Variants in PACSIN2 observed in about 807,000 individuals in gnomAD.
PACSIN2 encodes protein kinase C and casein kinase substrate in neurons protein 2.
A neutral mutation model predicts 63.8 loss-of-function variants in PACSIN2; 25 were observed. The observed-to-expected ratio is 0.39, with a 90% confidence interval of 0.29 to 0.55. The LOEUF is 0.55. PACSIN2 is among the 20% of genes least tolerant of loss of function. PACSIN2 has a pLI of 0.62. For missense variants in PACSIN2, 518 were observed against 646.9 expected (o/e 0.80, Z 2.16); for synonymous variants, 255 against 256.2 (o/e 1.00, Z 0.05).
Position 42,884,558 on chromosome 22 carries a change from T to C in PACSIN2, c.613A>G (p.Lys205Glu). The change falls in exon 6 of 11, where the codon AAA becomes GAA. Residue 205 changes from lysine (K) to glutamate (E), a missense_variant. Physicochemically the swap from Lys to Glu is moderately conservative, Grantham distance 56. Transcript: ENST00000263246. ...TTCAGGGACTTCTCATACTTCTCTT[T>C]GGTCTAAAGGAAAATCCAGGCACAA... ...EKCKQDVLKT[K>E]EKYEKSLKEL... 1 of 1,613,342 alleles carries C rather than the reference T, an allele frequency of 6.2e-7. No homozygotes were observed. Among genetic ancestry groups the C allele is most frequent in the South Asian group, 1.1e-5 (1 of 90,954 alleles).
chr22:42,998,012 T>C (rs1052544236), intron 1 of PACSIN2, among the ~76,000 whole-genome samples: 9 of 152,228 alleles, frequency 5.9e-5, no homozygotes, highest in African/African-American at 2.2e-4. Flanking sequence ...AGGCCAGAGC[T>C]TTCCTGGAAA....
intron 1 of PACSIN2, among the ~76,000 whole-genome samples, chr22:42,955,338 G>A (rs551864941): frequency 3.5e-4 from 53 of 152,282 alleles, no homozygotes; most frequent in South Asian, 6.2e-4. Context: ...CAAATCAACT[G>A]ATCCAGCCAG....
At chr22:43,014,444 A>G (rs1601630615) in intron 1 of PACSIN2, among the ~76,000 whole-genome samples, 1 of 145,332 alleles carries the variant, frequency 6.9e-6, no homozygotes, top group South Asian at 2.3e-4. Context: ...AAATCAGCGC[A>G]CCCGCGTGTG....
At chr22:43,009,504 G>C (rs929362590) in intron 1 of PACSIN2, among the ~76,000 whole-genome samples, 7 of 152,166 alleles carry the variant, frequency 4.6e-5, no homozygotes, top group Non-Finnish European at 1.0e-4. Flanking sequence ...CCCCTTCGTG[G>C]GAAGGGGTCA....
intron 1 of PACSIN2, among the ~76,000 whole-genome samples, chr22:42,997,859 C>A (rs551960675): frequency 1.9e-3 from 294 of 152,192 alleles, no homozygotes; most frequent in Non-Finnish European, 2.9e-3. Flanking sequence ...CCAGCCTGGG[C>A]GACAGGGCAA....
chr22:42,987,885 A>T (rs1922747121), intron 1 of PACSIN2, among the ~76,000 whole-genome samples: 1 of 152,084 alleles, frequency 6.6e-6, no homozygotes, highest in Non-Finnish European at 1.5e-5. Context: ...TTATGTCTGT[A>T]ATCCCAGCAC....
intron 1 of PACSIN2, among the ~76,000 whole-genome samples, chr22:42,914,646 G>C (rs4822225): frequency 6.6e-6 from 1 of 151,982 alleles, no homozygotes; most frequent in Admixed American, 6.5e-5. Flanking sequence ...TCAGGGAATA[G>C]CAGGGCTTTG....
At chr22:42,943,080 T>C (rs1273117537) in intron 1 of PACSIN2, among the ~76,000 whole-genome samples, 1 of 152,268 alleles carries the variant, frequency 6.6e-6, no homozygotes, top group Non-Finnish European at 1.5e-5. Context: ...CAACAATGTT[T>C]TGTAATTTTC....
At chr22:42,986,852 C>T (rs1013557925) in intron 1 of PACSIN2, among the ~76,000 whole-genome samples, 2 of 152,156 alleles carry the variant, frequency 1.3e-5, no homozygotes, top group Non-Finnish European at 2.9e-5. Context: ...AAAACCTTCC[C>T]GAAACCTAGA....
intron 2 of PACSIN2, among the ~76,000 whole-genome samples, chr22:42,908,686 C>T (rs1569255257): frequency 1.3e-5 from 2 of 152,202 alleles, no homozygotes; most frequent in South Asian, 4.1e-4. Flanking sequence ...ACACGACTTC[C>T]CATTTTGCTC....
intron 1 of PACSIN2, among the ~76,000 whole-genome samples, chr22:42,923,697 C>A (rs8141945): frequency 6.6e-6 from 1 of 152,062 alleles, no homozygotes; most frequent in East Asian, 1.9e-4. Flanking sequence ...AAAGTGCTGG[C>A]ATTACAGGCG....
chr22:42,989,024 C>T (rs939796047), intron 1 of PACSIN2, among the ~76,000 whole-genome samples: 2 of 152,088 alleles, frequency 1.3e-5, no homozygotes, highest in African/African-American at 4.8e-5. Flanking sequence ...GGACCACAGG[C>T]ACATACCATG....
In PACSIN2 at chr22:42,900,061, C is replaced by A. The variant is rs550506975; in HGVS notation, c.61-6448G>T. Among the ~76,000 whole-genome samples, 3 of 152,226 alleles carry A rather than the reference C, an allele frequency of 2.0e-5. No homozygotes were observed. In the South Asian group the frequency reaches 6.2e-4, roughly 32 times the overall value. On this transcript the variant is annotated intron_variant, in intron 2 of 10. Transcript: ENST00000263246. ...ATCTCAGCTCTCTGTGAAGTCTTGG[C>A]TCCTTTTCCCCACGCAGGCTTCCCT...
intron 1 of PACSIN2, among the ~76,000 whole-genome samples, chr22:42,998,376 T>C (rs1380843288): frequency 2.6e-5 from 4 of 152,162 alleles, no homozygotes. Context: ...CCAGCCACAC[T>C]GGCCTCCATC....
At chr22:42,883,339 C>T (rs115023343) in intron 6 of PACSIN2, among the ~76,000 whole-genome samples, 2,270 of 152,294 alleles carry the variant, frequency 0.015, 37 homozygotes, top group African/African-American at 0.036. Context: ...AGAGCAGCAG[C>T]GGTGCAGTAA....
intron 1 of PACSIN2, among the ~76,000 whole-genome samples, chr22:42,987,473 CACACACACACACACACACACCCAT>C (rs1220617930): frequency 1.1e-4 from 13 of 120,516 alleles, no homozygotes; most frequent in Admixed American, 4.8e-4. Flanking sequence ...CACACACACA[CACACACACACACACACACACCCAT>C]GGCACCATGT....
intron 1 of PACSIN2, among the ~76,000 whole-genome samples, chr22:42,942,808 G>A (rs548522694): frequency 6.6e-6 from 1 of 152,194 alleles, no homozygotes; most frequent in Non-Finnish European, 1.5e-5. Flanking sequence ...CTTGAATACT[G>A]TAGATTTATA....
At chr22:42,909,377 C>T (rs1931297226) in intron 2 of PACSIN2, 2 of 365,814 alleles carry the variant, frequency 5.5e-6, no homozygotes, top group Non-Finnish European at 1.1e-5. Flanking sequence ...GACCACAAGG[C>T]TTTCTTTGGA....
intron 10 of PACSIN2, among the ~76,000 whole-genome samples, chr22:42,874,944 G>A (rs546028111): frequency 3.3e-5 from 5 of 149,796 alleles, no homozygotes; most frequent in South Asian, 2.1e-4. Context: ...TCCGCCTCCC[G>A]GGTTCAAGCA....
Sources: gnomAD v4.1 joint callset for allele counts (sites outside exome capture counted in the v4.1 genomes callset) on GRCh38, gnomAD v4.1.1 for gene constraint, MANE v1.5 for transcripts, NCBI Gene and HGNC (gene_info 2026-07-23, HGNC 2026-07-21) for gene names.